Variants in UBE2U observed in about 807,000 individuals in gnomAD.
The protein encoded by UBE2U is ubiquitin-conjugating enzyme E2 U.
Under a neutral mutation model 41.2 loss-of-function variants are expected in UBE2U, and 39 were observed. The ratio of observed to expected loss-of-function variants is 0.95; its 90% CI spans 0.73 to 1.24. The LOEUF is 1.24. Among genes scored for constraint, UBE2U ranks in the 50% most tolerant of loss-of-function variants. The pLI is 0.00. For missense variants in UBE2U, 336 were observed against 363.1 expected (o/e 0.93, Z 0.61); for synonymous variants, 107 against 117.8 (o/e 0.91, Z 0.60).
At chr1:64,239,147 GA>G (rs1221111528) in intron 7 of UBE2U, among the ~76,000 whole-genome samples, 811 of 26,966 alleles carry the variant, frequency 0.03, 53 homozygotes, top group African/African-American at 0.09. Flanking sequence ...AGAAGAAGAA[GA>G]AGAAGAAGAA....
intron 7 of UBE2U, among the ~76,000 whole-genome samples, chr1:64,234,058 T>C (rs765981635): frequency 2.3e-4 from 35 of 152,342 alleles, no homozygotes; most frequent in Non-Finnish European, 3.8e-4. Flanking sequence ...CTGAAAGACC[T>C]CTTCCACTAC....
At chr1:64,226,339 G>A (rs917705836) in intron 6 of UBE2U, among the ~76,000 whole-genome samples, 4 of 152,138 alleles carry the variant, frequency 2.6e-5, no homozygotes, top group African/African-American at 4.8e-5. Context: ...AGATTAATCC[G>A]ATCGGTGATT....
chr1:64,256,983 C>A (rs1223960058), intron 8 of UBE2U, among the ~76,000 whole-genome samples: 1 of 151,404 alleles, frequency 6.6e-6, no homozygotes, highest in Non-Finnish European at 1.5e-5. Context: ...TACATGCAGC[C>A]AACAAACATA....
chr1:64,266,973 T>C (rs1370260496), intron 9 of UBE2U, 51 bp from the exon 10 acceptor site: 2 of 1,479,596 alleles, frequency 1.4e-6, no homozygotes, highest in Non-Finnish European at 9.1e-7. Flanking sequence ...CTTTTTATTG[T>C]TTTTCTTATT....
intron 8 of UBE2U, among the ~76,000 whole-genome samples, chr1:64,245,746 G>T (rs1169588466): frequency 6.6e-6 from 1 of 152,012 alleles, no homozygotes; most frequent in African/African-American, 2.4e-5. Flanking sequence ...AGACCACTTT[G>T]CTTGCCTTGT....
At chr1:64,255,310 C>A (rs753370186) in intron 8 of UBE2U, among the ~76,000 whole-genome samples, 1 of 151,986 alleles carries the variant, frequency 6.6e-6, no homozygotes, top group African/African-American at 2.4e-5. Context: ...CAGAACCAGA[C>A]AGATTCACAG....
At chr1:64,207,511 T>C (rs999310883) in intron 3 of UBE2U, among the ~76,000 whole-genome samples, 10 of 152,372 alleles carry the variant, frequency 6.6e-5, no homozygotes, top group Admixed American at 2.0e-4. Flanking sequence ...AAGATCATCT[T>C]AAATGGTTCA....
intron 8 of UBE2U, among the ~76,000 whole-genome samples, chr1:64,246,414 T>G (rs1001491579): frequency 6.6e-6 from 1 of 152,182 alleles, no homozygotes; most frequent in African/African-American, 2.4e-5. Flanking sequence ...GTGTTGTCCT[T>G]TCAGGGTTAT....
intron 8 of UBE2U, among the ~76,000 whole-genome samples, chr1:64,252,313 G>T (rs907776559): frequency 3.3e-5 from 5 of 152,050 alleles, no homozygotes; most frequent in African/African-American, 9.7e-5. Flanking sequence ...TGACTCAGTT[G>T]TTCCAGCCTG....
chr1:64,211,269 G>A (rs1192285847), intron 4 of UBE2U, among the ~76,000 whole-genome samples: 1 of 152,018 alleles, frequency 6.6e-6, no homozygotes, highest in Non-Finnish European at 1.5e-5. Flanking sequence ...TTTTGTTTCT[G>A]ACAGTGCTAG....
At chr1:64,259,247 A>G (rs1312719543) in intron 8 of UBE2U, among the ~76,000 whole-genome samples, 1 of 152,164 alleles carries the variant, frequency 6.6e-6, no homozygotes, top group Non-Finnish European at 1.5e-5. Flanking sequence ...GGTAGGTTGC[A>G]AAAATGTTCT....
At chr1:64,204,805 T>A (rs1651189236) in intron 1 of UBE2U, among the ~76,000 whole-genome samples, 2 of 152,226 alleles carry the variant, frequency 1.3e-5, no homozygotes. Context: ...TTCCCACAGT[T>A]GCTTCAGGTG....
chr1:64,217,448 T>C (rs1025545121), intron 5 of UBE2U, among the ~76,000 whole-genome samples: 2 of 152,232 alleles, frequency 1.3e-5, no homozygotes, highest in African/African-American at 4.8e-5. Flanking sequence ...TTCATAGGTT[T>C]CATATGAGCA....
At chr1:64,237,363 A>G (rs1644688294) in intron 7 of UBE2U, among the ~76,000 whole-genome samples, 2 of 152,054 alleles carry the variant, frequency 1.3e-5, no homozygotes, top group South Asian at 4.1e-4. Flanking sequence ...AGAAGGCACA[A>G]CAGAAAAGCA....
rs761724602 is a variant in UBE2U, at chr1:64,203,645, C to G, written c.-406C>G. 6.3e-6 allele frequency: 1 copy of G among 158,638 alleles called. No homozygotes were observed. Among genetic ancestry groups the G allele is most frequent in the East Asian group, 1.8e-4 (1 of 5,556 alleles). The allele number at this position is 158,638 out of a possible 1,614,324, so 9.8% of individuals were successfully genotyped here. A position where few individuals can be genotyped will look rare whatever the true frequency, so the allele number is the denominator to read the frequency against. Reference sequence around the variant, plus strand: ...GGCAACCGATTTGCTTCCTCCGGTGCGTGGCTGCGGGGTTGCACCTGTGAA... The same window carrying G: ...GGCAACCGATTTGCTTCCTCCGGTGGGTGGCTGCGGGGTTGCACCTGTGAA... On this transcript the variant is annotated 5_prime_UTR_variant, in exon 1 of 10. Transcript: ENST00000371077.
intron 5 of UBE2U, among the ~76,000 whole-genome samples, chr1:64,217,667 A>ATTTTT (rs946752175): frequency 6.6e-6 from 1 of 152,130 alleles, no homozygotes; most frequent in Non-Finnish European, 1.5e-5. Flanking sequence ...TGAGGTAATT[A>ATTTTT]TTTTTTCTTA....
intron 7 of UBE2U, among the ~76,000 whole-genome samples, chr1:64,233,836 A>G (rs1644616578): frequency 6.6e-6 from 1 of 152,220 alleles, no homozygotes; most frequent in Admixed American, 6.5e-5. Flanking sequence ...CCATCCTTCT[A>G]AAATGGTGCA....
At chr1:64,262,226 T>C (rs985229688) in intron 9 of UBE2U, among the ~76,000 whole-genome samples, 21 of 152,254 alleles carry the variant, frequency 1.4e-4, no homozygotes. Flanking sequence ...AAACTTTCTT[T>C]GTGGGTTATC....
chr1:64,226,633 A>T lies in UBE2U; in HGVS notation c.506+5726A>T, dbSNP rs936362873. Among the ~76,000 whole-genome samples the T allele has an allele frequency of 3.9e-5, 6 of 152,154 alleles. No individual in the cohort carries two copies. The East Asian group carries it at 1.2e-3, about 29-fold the overall frequency. On this transcript the variant is annotated intron_variant, in intron 6 of 9. Coordinates refer to ENST00000371077, the MANE Select transcript of UBE2U (RefSeq NM_001366232.2). The stretch of plus-strand genomic sequence containing the variant: ...GATTGCTTGAGCCCAGGATTTCAAG[A>T]CCAGCCTGGGCAATATATTGAGACC...
Sources: allele counts gnomAD v4.1 joint callset (sites outside exome capture counted in the v4.1 genomes callset), GRCh38; gene constraint gnomAD v4.1.1; transcripts MANE v1.5; gene names NCBI Gene and HGNC (gene_info 2026-07-23, HGNC 2026-07-21).